Variants in LOXL2 observed in about 807,000 individuals in gnomAD.
The protein encoded by LOXL2 is lysyl oxidase homolog 2.
Under a neutral mutation model 93.0 loss-of-function variants are expected in LOXL2, and 70 were observed. The observed-to-expected ratio is 0.75, with a 90% CI of 0.62 to 0.92. LOXL2 has a LOEUF of 0.92. Ranked by LOEUF, LOXL2 falls within the 40% of genes least tolerant of loss-of-function variation. The probability of loss-of-function intolerance (pLI) is 0.00; values close to 1 mark genes in which losing one functional copy is unlikely to be tolerated. For missense variants in LOXL2, 973 were observed against 1,054.9 expected (o/e 0.92, Z 1.08); for synonymous variants, 438 against 413.2 (o/e 1.06, Z -0.73).
chr8:23,308,075 C>G (rs1158443928), intron 10 of LOXL2, among the ~76,000 whole-genome samples: 1 of 152,094 alleles, frequency 6.6e-6, no homozygotes, highest in African/African-American at 2.4e-5. Flanking sequence ...CTCTGCAACT[C>G]CTAGCATTAT....
chr8:23,339,561 A>G (rs1803847402), intron 4 of LOXL2, among the ~76,000 whole-genome samples: 1 of 152,220 alleles, frequency 6.6e-6, no homozygotes, highest in African/African-American at 2.4e-5. Flanking sequence ...CCATCTGAAC[A>G]AGGCGCGTGC....
intron 1 of LOXL2, among the ~76,000 whole-genome samples, chr8:23,394,617 T>A (rs562306865): frequency 9.9e-5 from 15 of 152,146 alleles, no homozygotes; most frequent in African/African-American, 3.6e-4. Context: ...TCCCCAAAGA[T>A]GTGGAGAAAT....
intron 10 of LOXL2, among the ~76,000 whole-genome samples, chr8:23,305,506 C>A (rs1213772444): frequency 6.6e-6 from 1 of 150,886 alleles, no homozygotes; most frequent in African/African-American, 2.4e-5. Context: ...AGAGCCCCCC[C>A]ACACCCCCCG....
chr8:23,397,799 A>G (rs1267657603), intron 1 of LOXL2, among the ~76,000 whole-genome samples: 1 of 150,674 alleles, frequency 6.6e-6, no homozygotes, highest in African/African-American at 2.4e-5. Context: ...AAAAAAAAGA[A>G]AGAAATATGC....
intron 1 of LOXL2, among the ~76,000 whole-genome samples, chr8:23,381,067 T>C (rs1804675211): frequency 6.8e-6 from 1 of 147,206 alleles, no homozygotes; most frequent in Non-Finnish European, 1.5e-5. Flanking sequence ...GTAACCATGA[T>C]CAAAACTGTG....
intron 2 of LOXL2, chr8:23,364,655 G>A (rs1245964926): frequency 6.6e-6 from 1 of 151,178 alleles, no homozygotes; most frequent in Non-Finnish European, 1.5e-5. Context: ...GGCCAACGTG[G>A]GAAAACCCCG....
At chr8:23,304,312 T>C (rs375635903) in intron 10 of LOXL2, among the ~76,000 whole-genome samples, 45 of 152,360 alleles carry the variant, frequency 3.0e-4, no homozygotes, top group African/African-American at 9.6e-4. Context: ...AGAATAGCCC[T>C]TGTTTCAGAA....
intron 1 of LOXL2, among the ~76,000 whole-genome samples, chr8:23,376,279 G>A (rs1453877235): frequency 2.0e-5 from 3 of 151,392 alleles, no homozygotes; most frequent in Non-Finnish European, 4.4e-5. Context: ...TTGCATCCCA[G>A]GGATGAAGCC....
intron 13 of LOXL2, 36 bp downstream of exon 13, chr8:23,298,800 C>T (rs761753940): frequency 2.6e-5 from 36 of 1,376,628 alleles, no homozygotes; most frequent in African/African-American, 4.3e-5. Context: ...GGGCAGCTCC[C>T]GCCTGCTTCC....
chr8:23,321,972 G>A, intron 7 of LOXL2, 158 bp downstream of exon 7: 1 of 805,816 alleles, frequency 1.2e-6, no homozygotes, highest in Non-Finnish European at 2.0e-6. Context: ...CCAGGCCCGA[G>A]GTTCGAGGGG....
chr8:23,316,983 T>C lies in LOXL2; in HGVS notation c.1602A>G (p.Gly534=). 6.2e-6 allele frequency: 10 copies of C among 1,613,502 alleles called. No homozygotes were observed. Among genetic ancestry groups the C allele is most frequent in the Non-Finnish European group, 8.5e-6 (10 of 1,179,686 alleles). ...AGGCAACTCCGGCCCCGTACTGCAC[T>C]CCGCCCTGGGGGCAGGCCACGTCCT... ...DGEDVACPQG[G]VQYGAGVACS... The change falls in exon 9 of 14, where the codon GGA becomes GGG. Residue 534 remains glycine, a synonymous_variant. Transcript: ENST00000389131.
At chr8:23,355,266 A>G (rs1804175081) in intron 3 of LOXL2, among the ~76,000 whole-genome samples, 1 of 151,684 alleles carries the variant, frequency 6.6e-6, no homozygotes, top group Non-Finnish European at 1.5e-5. Flanking sequence ...TACATTCTAA[A>G]CATTCTTCTG....
chr8:23,314,160 T>C (rs1803357475), intron 9 of LOXL2, among the ~76,000 whole-genome samples: 1 of 152,216 alleles, frequency 6.6e-6, no homozygotes, highest in South Asian at 2.1e-4. Flanking sequence ...CTGGAGAGGA[T>C]GTAGAGAGAT....
At chr8:23,369,725 C>G (rs1413899136) in intron 1 of LOXL2, among the ~76,000 whole-genome samples, 1 of 152,130 alleles carries the variant, frequency 6.6e-6, no homozygotes, top group Non-Finnish European at 1.5e-5. Context: ...ACCGGAGAGC[C>G]AGCCATGCTC....
chr8:23,341,057 A>G lies in LOXL2; in HGVS notation c.678T>C (p.Asn226=), dbSNP rs1278268663. 19 of 1,614,008 alleles carry G rather than the reference A, an allele frequency of 1.2e-5. No individual in the cohort carries two copies. The highest frequency in any genetic ancestry group is 1.5e-5 in the Non-Finnish European group (18 of 1,180,032). The change falls in exon 4 of 14, where the codon AAT becomes AAC. Residue 226 remains asparagine (N), a synonymous_variant. Coordinates refer to ENST00000389131, the MANE Select transcript of LOXL2 (RefSeq NM_002318.3). ...QICDKHWTAK[N]SRVVCGMFGF... ...CAAACATGCCGCAGACCACGCGGGA[A>G]TTCTTGGCCGTCCAGTGCTTGTCAC... is the stretch of plus-strand genomic sequence containing the variant.
chr8:23,400,380 G>T (rs921150293), intron 1 of LOXL2, among the ~76,000 whole-genome samples: 1 of 152,104 alleles, frequency 6.6e-6, no homozygotes, highest in African/African-American at 2.4e-5. Context: ...CATGTACAGG[G>T]GACTCCCATT....
chr8:23,395,744 G>A (rs1364696670), intron 1 of LOXL2, among the ~76,000 whole-genome samples: 2 of 152,054 alleles, frequency 1.3e-5, no homozygotes, highest in Non-Finnish European at 2.9e-5. Context: ...CTGTCGCCCA[G>A]GCTGGAGCAC....
chr8:23,297,799 A>C lies in LOXL2; in HGVS notation c.*244T>G. 1 of 463,386 alleles carries C rather than the reference A, an allele frequency of 2.2e-6. No individual in the cohort carries two copies. Among genetic ancestry groups the C allele is most frequent in the Non-Finnish European group, 3.9e-6 (1 of 257,400 alleles). 28.7% of individuals were successfully genotyped at this position (463,386 alleles called of 1,614,324 possible). On this transcript the variant is annotated 3_prime_UTR_variant, in exon 14 of 14. Coordinates refer to ENST00000389131, the MANE Select transcript of LOXL2 (RefSeq NM_002318.3). ...GACTGGCTCTTGGTGCTGCTCCAGC[A>C]GCTCTGTGGACAAACCCCACCCCCG...
chr8:23,376,356 G>C (rs1804592129), intron 1 of LOXL2, among the ~76,000 whole-genome samples: 1 of 152,142 alleles, frequency 6.6e-6, no homozygotes, highest in East Asian at 1.9e-4. Flanking sequence ...TTTTATTGAG[G>C]ATTTTTGCAT....
Sources: gnomAD v4.1 joint callset for allele counts (sites outside exome capture counted in the v4.1 genomes callset) on GRCh38, gnomAD v4.1.1 for gene constraint, MANE v1.5 for transcripts, NCBI Gene and HGNC (gene_info 2026-07-23, HGNC 2026-07-21) for gene names.